Variants in CNTN5 observed in about 807,000 individuals in gnomAD.
CNTN5 encodes contactin-5.
CNTN5 carries 77 observed loss-of-function variants against 129.1 expected under a neutral mutation model. The observed-to-expected ratio is 0.60, with a 90% CI of 0.50 to 0.72. The LOEUF (loss-of-function observed/expected upper bound fraction) is 0.72. Ranked by LOEUF, CNTN5 falls within the 30% of genes least tolerant of loss-of-function variation. CNTN5 has a pLI of 0.00. For synonymous variants in CNTN5, 509 were observed against 465.6 expected (o/e 1.09, Z -1.20); for missense variants, 1,478 against 1,328.8 (o/e 1.11, Z -1.75).
intron 3 of CNTN5, among the ~76,000 whole-genome samples, chr11:99,815,241 C>T (rs536452995): frequency 6.6e-6 from 1 of 152,278 alleles, no homozygotes; most frequent in African/African-American, 2.4e-5. Context: ...CAGATTTCTG[C>T]ATTTGTTAAT....
chr11:99,067,889 G>A (rs929996079), intron 1 of CNTN5, among the ~76,000 whole-genome samples: 5 of 152,082 alleles, frequency 3.3e-5, no homozygotes, highest in African/African-American at 1.2e-4. Flanking sequence ...TCCCCATGCA[G>A]CAAGAGAGAG....
At chr11:99,055,068 A>G (rs1369061025) in intron 1 of CNTN5, among the ~76,000 whole-genome samples, 1 of 151,944 alleles carries the variant, frequency 6.6e-6, no homozygotes, top group Admixed American at 6.6e-5. Flanking sequence ...AGAATTCAAA[A>G]TATCTGGGCT....
intron 13 of CNTN5, among the ~76,000 whole-genome samples, chr11:100,149,816 A>T (rs915212974): frequency 2.0e-5 from 3 of 150,586 alleles, no homozygotes; most frequent in African/African-American, 7.3e-5. Context: ...AATGGCGTGA[A>T]CCATGAGGTG....
At chr11:99,515,641 C>T (rs1406609746) in intron 2 of CNTN5, among the ~76,000 whole-genome samples, 5 of 151,854 alleles carry the variant, frequency 3.3e-5, no homozygotes, top group Admixed American at 6.6e-5. Context: ...TAATTGTCCC[C>T]TCAATTTATT....
chr11:99,336,152 C>T (rs1293380144), intron 2 of CNTN5, among the ~76,000 whole-genome samples: 1 of 152,118 alleles, frequency 6.6e-6, no homozygotes, highest in East Asian at 1.9e-4. Context: ...TTTAACTAGT[C>T]CCTCTAACAC....
intron 2 of CNTN5, among the ~76,000 whole-genome samples, chr11:99,343,655 T>A (rs1178212545): frequency 6.6e-6 from 1 of 152,214 alleles, no homozygotes; most frequent in Non-Finnish European, 1.5e-5. Flanking sequence ...AAATTCTGCT[T>A]AAAGCAAGCT....
At chr11:100,118,508 A>G (rs775874961) in intron 13 of CNTN5, among the ~76,000 whole-genome samples, 11 of 151,960 alleles carry the variant, frequency 7.2e-5, no homozygotes, top group African/African-American at 2.7e-4. Context: ...CTCACAAACT[A>G]TTCAATAACA....
chr11:99,924,838 G>A (rs1284240119), intron 7 of CNTN5, among the ~76,000 whole-genome samples: 2 of 152,008 alleles, frequency 1.3e-5, no homozygotes, highest in Non-Finnish European at 2.9e-5. Context: ...CAGTTTCAAT[G>A]CAGTTGTTTT....
chr11:100,090,382 T>G (rs1357292586), intron 13 of CNTN5, among the ~76,000 whole-genome samples: 1 of 152,038 alleles, frequency 6.6e-6, no homozygotes, highest in Non-Finnish European at 1.5e-5. Context: ...TTTGTTATTT[T>G]CTTTTTCCCT....
chr11:100,209,916 G>T (rs753137847), intron 15 of CNTN5, among the ~76,000 whole-genome samples: 25 of 152,270 alleles, frequency 1.6e-4, no homozygotes, highest in Non-Finnish European at 5.9e-5. Context: ...TGACTTTGCT[G>T]CAGAGCTTAA....
chr11:99,247,195 G>A (rs1294068066), intron 1 of CNTN5, among the ~76,000 whole-genome samples: 1 of 152,072 alleles, frequency 6.6e-6, no homozygotes, highest in Non-Finnish European at 1.5e-5. Context: ...TTAAGAGTAG[G>A]AGGAAGATTT....
intron 1 of CNTN5, chr11:99,120,487 G>A (rs766303413): frequency 2.6e-5 from 4 of 152,194 alleles, no homozygotes; most frequent in Non-Finnish European, 4.4e-5. Flanking sequence ...AACAGTGCTG[G>A]TTTAGAAACG....
At chr11:99,106,073 T>A (rs1190883091) in intron 1 of CNTN5, among the ~76,000 whole-genome samples, 1 of 152,112 alleles carries the variant, frequency 6.6e-6, no homozygotes. Flanking sequence ...AATTATTTTT[T>A]AAAAATAGTC....
At chr11:100,184,097 C>G (rs541716377) in intron 13 of CNTN5, among the ~76,000 whole-genome samples, 2 of 152,124 alleles carry the variant, frequency 1.3e-5, no homozygotes, top group Admixed American at 1.3e-4. Flanking sequence ...TAACTACTTC[C>G]GTAAATAGCT....
At chr11:100,081,094 G>A (rs1392733840) in intron 13 of CNTN5, among the ~76,000 whole-genome samples, 2 of 152,028 alleles carry the variant, frequency 1.3e-5, no homozygotes, top group Non-Finnish European at 2.9e-5. Flanking sequence ...AAAGCTAACT[G>A]CACAAGACTC....
intron 21 of CNTN5, among the ~76,000 whole-genome samples, chr11:100,318,831 G>C (rs1450930459): frequency 6.6e-6 from 1 of 151,866 alleles, no homozygotes; most frequent in African/African-American, 2.4e-5. Context: ...AAAAGAAAAA[G>C]GTTTACAAAA....
At chr11:99,054,423 A>G (rs997206408) in intron 1 of CNTN5, among the ~76,000 whole-genome samples, 3 of 152,008 alleles carry the variant, frequency 2.0e-5, no homozygotes, top group African/African-American at 7.2e-5. Context: ...AAGCTGACTC[A>G]AAAACAAACT....
At chr11:100,117,222 A>AT (rs1361547667) in intron 13 of CNTN5, among the ~76,000 whole-genome samples, 2 of 151,924 alleles carry the variant, frequency 1.3e-5, no homozygotes, top group Admixed American at 6.6e-5. Context: ...ACTCAAAAGC[A>AT]TTTTTTGAAT....
chr11:99,668,450 C>T (rs868378134), intron 3 of CNTN5, among the ~76,000 whole-genome samples: 9 of 151,920 alleles, frequency 5.9e-5, no homozygotes, highest in South Asian at 2.1e-4. Context: ...CCCATGGGAA[C>T]GGTAATCTTT....
Sources: gnomAD v4.1 joint callset for allele counts (sites outside exome capture counted in the v4.1 genomes callset) on GRCh38, gnomAD v4.1.1 for gene constraint, MANE v1.5 for transcripts, NCBI Gene and HGNC (gene_info 2026-07-23, HGNC 2026-07-21) for gene names.